EBLN1: variants seen among roughly 807,000 people sequenced by gnomAD.
EBLN1 encodes endogenous Bornavirus like nucleoprotein 1.
EBLN1 carries 1 observed loss-of-function variant against 0.8 expected under a neutral mutation model. The ratio of observed to expected loss-of-function variants is 1.32; its 90% CI spans 0.47 to 6.26. The LOEUF (loss-of-function observed/expected upper bound fraction) is 6.26. Among genes scored for constraint, EBLN1 ranks in the 30% most tolerant of loss-of-function variants. The pLI, the probability that EBLN1 is intolerant of heterozygous loss-of-function variation, is 0.15. For missense variants in EBLN1, 396 were observed against 447.9 expected (o/e 0.88, Z 1.05); for synonymous variants, 158 against 158.5 (o/e 1.00, Z 0.02).
intron 1 of EBLN1, among the ~76,000 whole-genome samples, chr10:22,214,879 AAAC>A (rs1834779396): frequency 6.6e-6 from 1 of 152,230 alleles, no homozygotes; most frequent in African/African-American, 2.4e-5. Context: ...CAAAAAGTAG[AAAC>A]AACTCCAATA....
At chr10:22,211,958 T>C (rs1324858816) in intron 2 of EBLN1, among the ~76,000 whole-genome samples, 2 of 152,234 alleles carry the variant, frequency 1.3e-5, no homozygotes, top group African/African-American at 4.8e-5. Flanking sequence ...TAGTTAATCA[T>C]GCAACTAAAC....
In EBLN1 at chr10:22,208,729, CTT is replaced by C. The variant is rs1302197958; in HGVS notation, c.*152_*153del. On this transcript the variant is annotated 3_prime_UTR_variant, in exon 3 of 3. Coordinates refer to ENST00000422359, the MANE Select transcript of EBLN1 (RefSeq NM_001394757.1). The stretch of plus-strand genomic sequence containing the variant: ...GTGGCCAGAGAATATTGGATGGACT[CTT>C]TTAAAGAATAAAAGATTATAGAGAA... 6.7e-6 allele frequency: 6 copies of C among 901,358 alleles called. No individual in the cohort carries two copies. The Admixed American group carries it at 1.3e-4, about 20-fold the overall frequency. The allele number at this position is 901,358 out of a possible 1,614,324, so 55.8% of individuals were successfully genotyped here. A position where few individuals can be genotyped will look rare whatever the true frequency, so the allele number is the denominator to read the frequency against.
At chr10:22,212,365 C>T (rs1834761750) in intron 2 of EBLN1, among the ~76,000 whole-genome samples, 2 of 152,044 alleles carry the variant, frequency 1.3e-5, no homozygotes, top group South Asian at 2.1e-4. Context: ...TTCAAATGGC[C>T]TATGAAAATT....
intron 2 of EBLN1, 102 bp from the exon 3 acceptor site, chr10:22,210,129 A>T: frequency 9.2e-7 from 1 of 1,086,340 alleles, no homozygotes; most frequent in Non-Finnish European, 1.2e-6. Context: ...TCTTAGTAAT[A>T]TTCAGTTTTT....
intron 2 of EBLN1, among the ~76,000 whole-genome samples, chr10:22,210,336 A>G (rs1340568561): frequency 6.6e-6 from 1 of 152,200 alleles, no homozygotes; most frequent in Non-Finnish European, 1.5e-5. Context: ...TTTAAACTCA[A>G]TCATCAAGAT....
intron 1 of EBLN1, among the ~76,000 whole-genome samples, chr10:22,213,274 T>C (rs966444519): frequency 6.6e-6 from 1 of 152,224 alleles, no homozygotes; most frequent in Admixed American, 6.5e-5. Flanking sequence ...TAGTCACATA[T>C]AGTTTGATTA....
At chr10:22,214,799 G>A (rs1834778762) in intron 1 of EBLN1, among the ~76,000 whole-genome samples, 1 of 152,000 alleles carries the variant, frequency 6.6e-6, no homozygotes, top group Non-Finnish European at 1.5e-5. Context: ...TTAGGCCCAA[G>A]ACAAATGAAA....
intron 1 of EBLN1, among the ~76,000 whole-genome samples, chr10:22,215,986 CT>C (rs1564324546): frequency 6.6e-6 from 1 of 152,024 alleles, no homozygotes; most frequent in Non-Finnish European, 1.5e-5. Flanking sequence ...CTATTTTCTT[CT>C]TTTTTATATT....
rs745874844 is a variant in EBLN1 at position 22,208,920 on chromosome 10, T to C, written c.1064A>G (p.Asn355Ser). 2.0e-6 allele frequency: 3 copies of C among 1,535,246 alleles called. No individual in the cohort carries two copies. The highest frequency in any genetic ancestry group is 2.6e-6 in the Non-Finnish European group (3 of 1,146,678). The change falls in exon 3 of 3, where the codon AAC becomes AGC. Residue 355 changes from asparagine (N) to serine (S), a missense_variant. By Grantham distance (46) the Asn-to-Ser change is conservative (BLOSUM62 1). Transcript: ENST00000422359. The part of the protein sequence containing the change: ...RGSDMDPYTL[N>S]ILRGYGISGF... ...CGAAATCCCATAACCGCGAAGGATG[T>C]TAAGTGTATATGGATCCATGTCACT...
intron 2 of EBLN1, among the ~76,000 whole-genome samples, chr10:22,210,474 C>T (rs557247323): frequency 6.6e-5 from 10 of 152,274 alleles, no homozygotes; most frequent in Middle Eastern, 6.8e-3. Flanking sequence ...ACAATTCTTA[C>T]GCAATATCTT....
In EBLN1 at chr10:22,209,993, T is replaced by C. The variant is rs1834735758; in HGVS notation, c.-10A>G. 4.3e-6 allele frequency: 6 copies of C among 1,392,580 alleles called. No individual in the cohort carries two copies. The South Asian group carries it at 5.7e-5, about 13-fold the overall frequency. 86.3% of individuals were successfully genotyped at this position (1,392,580 alleles called of 1,614,324 possible). ...TTCTTGGGCGGGACATTGTGGGTGA[T>C]TGTTTCTGTGATTTTCACACAATTT... On this transcript the variant is annotated 5_prime_UTR_variant, in exon 3 of 3. Coordinates refer to ENST00000422359, the MANE Select transcript of EBLN1 (RefSeq NM_001394757.1).
At chr10:22,212,729 C>T (rs2131945098) in intron 2 of EBLN1, among the ~76,000 whole-genome samples, 113 bp downstream of exon 2, 1 of 151,680 alleles carries the variant, frequency 6.6e-6, no homozygotes, top group African/African-American at 2.4e-5. Context: ...GTGGGAGGAT[C>T]CCTTCAGTCC....
chr10:22,215,776 G>T (rs703107), intron 1 of EBLN1, among the ~76,000 whole-genome samples: 1 of 151,962 alleles, frequency 6.6e-6, no homozygotes, highest in Admixed American at 6.5e-5. Context: ...TCAGCATTAT[G>T]TATGACCATG....
At chr10:22,216,470 G>A (rs946086704) in intron 1 of EBLN1, among the ~76,000 whole-genome samples, 1 of 152,030 alleles carries the variant, frequency 6.6e-6, no homozygotes, top group Non-Finnish European at 1.5e-5. Flanking sequence ...CTCAAACAGG[G>A]CAACAACCTC....
chr10:22,216,315 A>G (rs1383840906), intron 1 of EBLN1, among the ~76,000 whole-genome samples: 1 of 152,162 alleles, frequency 6.6e-6, no homozygotes, highest in Non-Finnish European at 1.5e-5. Flanking sequence ...CTCAATCCAT[A>G]TATGTGATGT....
rs1834720842 is a variant in EBLN1 at position 22,209,161 on chromosome 10, G to A, written c.823C>T (p.Leu275Phe). 6.5e-7 allele frequency: 1 copy of A among 1,535,690 alleles called. No homozygotes were observed. The highest frequency in any genetic ancestry group is 1.4e-5 in the African/African-American group (1 of 73,012). The change falls in exon 3 of 3, where the codon CTT becomes TTT. Residue 275 changes from leucine (L) to phenylalanine (F), a missense_variant. Transcript: ENST00000422359. The part of the protein sequence containing the change: ...EQKKPLAKKV[L>F]GDFFEFGGVL... Reference sequence around the variant, plus strand: ...CCCCCAAATTCAAAGAAATCTCCAAGTACCTTTTTAGCCAGTGGTTTCTTC... The same window carrying A: ...CCCCCAAATTCAAAGAAATCTCCAAATACCTTTTTAGCCAGTGGTTTCTTC...
Position 22,209,715 on chromosome 10 carries a change from T to G in EBLN1, c.269A>C (p.His90Pro). 6.5e-7 allele frequency: 1 copy of G among 1,535,920 alleles called. No individual in the cohort carries two copies. Among genetic ancestry groups the G allele is most frequent in the Non-Finnish European group, 8.7e-7 (1 of 1,146,922 alleles). ...VFLCFIFDGL[H>P]KALLSVGVSK... ...CACACCGACACTGAGTAGTGCCTTG[T>G]GTAATCCATCGAATATAAAACACAA... Residue 90 changes from histidine to proline, a missense_variant, in exon 3 of 3, where the codon CAC becomes CCC. His to Pro is a moderately conservative substitution (Grantham distance 77). Coordinates refer to ENST00000422359, the MANE Select transcript of EBLN1 (RefSeq NM_001394757.1).
intron 2 of EBLN1, among the ~76,000 whole-genome samples, chr10:22,212,088 T>C (rs1302281695): frequency 6.6e-6 from 1 of 152,198 alleles, no homozygotes; most frequent in Non-Finnish European, 1.5e-5. Context: ...ATTTGGATAA[T>C]TAGGGGCTAG....
At chr10:22,213,789 A>G (rs1834771671) in intron 1 of EBLN1, among the ~76,000 whole-genome samples, 1 of 152,222 alleles carries the variant, frequency 6.6e-6, no homozygotes, top group African/African-American at 2.4e-5. Context: ...ATATTCCAAC[A>G]GTATTTAGAA....
Sources: allele counts gnomAD v4.1 joint callset (sites outside exome capture counted in the v4.1 genomes callset), GRCh38; gene constraint gnomAD v4.1.1; transcripts MANE v1.5; gene names NCBI Gene and HGNC (gene_info 2026-07-23, HGNC 2026-07-21).